The following AGO3 variants were observed in gnomAD, a reference collection of about 807,000 sequenced individuals.
The protein encoded by AGO3 is argonaute RISC catalytic component 3, also known as protein argonaute-3.
A neutral mutation model predicts 105.5 loss-of-function variants in AGO3; 16 were observed. That is an observed-to-expected ratio of 0.15 (90% CI 0.10 to 0.23). The LOEUF (loss-of-function observed/expected upper bound fraction) is 0.23. AGO3 is among the 10% of genes least tolerant of loss of function. The pLI, the probability that AGO3 is intolerant of heterozygous loss-of-function variation, is 1.00. For missense variants in AGO3, 534 were observed against 1,088.0 expected, an observed-to-expected ratio of 0.49 and a Z score of 7.16; for synonymous variants, 340 against 367.3, an observed-to-expected ratio of 0.93 and a Z score of 0.85.
At chr1:35,959,302 C>A (rs1050474035) in intron 2 of AGO3, among the ~76,000 whole-genome samples, 6 of 152,122 alleles carry the variant, frequency 3.9e-5, no homozygotes, top group African/African-American at 1.4e-4. Flanking sequence ...ATAGGCTGTA[C>A]CCCTTTAGAA....
chr1:35,990,218 T>A (rs1271047538), intron 5 of AGO3, among the ~76,000 whole-genome samples: 1 of 152,124 alleles, frequency 6.6e-6, no homozygotes, highest in Non-Finnish European at 1.5e-5. Context: ...TAGTTAAATT[T>A]ATTTTTGTGG....
At position 36,055,131 on chromosome 1, in the gene AGO3, C is replaced by T. The variant is rs1159367631; in HGVS notation, c.2460C>T (p.Asp820=). 3 of 1,604,436 alleles carry T rather than the reference C, an allele frequency of 1.9e-6. No individual in the cohort carries two copies. In the African/African-American group the frequency reaches 4.0e-5, roughly 21 times the overall value. ...VAFRARYHLV[D]KEHDSAEGSH... is the part of the protein sequence containing the mutation. The stretch of plus-strand genomic sequence containing the variant: ...TTAGAGCCAGATATCATCTTGTGGA[C>T]AAAGAACATGACAGGTAATATAAAA... Residue 820 remains aspartate (D), a synonymous_variant, in exon 18 of 19, where the codon GAC becomes GAT. Coordinates refer to ENST00000373191, the MANE Select transcript of AGO3 (RefSeq NM_024852.4). The surrounding 1 kb of genome is among the most constrained non-coding windows in gnomAD (Gnocchi z 4.4).
At chr1:35,943,948 G>C (rs1319206714) in intron 1 of AGO3, among the ~76,000 whole-genome samples, 7 of 152,122 alleles carry the variant, frequency 4.6e-5, no homozygotes, top group Non-Finnish European at 1.0e-4. Flanking sequence ...TCATGTTTTA[G>C]TGTGTGTCAG....
chr1:36,028,464 C>T (rs1301527793), intron 12 of AGO3, among the ~76,000 whole-genome samples: 1 of 137,244 alleles, frequency 7.3e-6, no homozygotes, highest in East Asian at 2.2e-4. Context: ...TCTCATTGTT[C>T]AATTCCCACC....
At chr1:36,040,233 AT>A in intron 15 of AGO3, 73 bp from the exon 16 acceptor site, 1 of 1,473,776 alleles carries the variant, frequency 6.8e-7, no homozygotes, top group Non-Finnish European at 9.2e-7. Context: ...CTGAGATTAA[AT>A]CATTATCCTA....
In AGO3 at chr1:36,027,718, G is replaced by A. The variant is rs1337960468; in HGVS notation, c.1591+420G>A. Reference sequence around the variant, plus strand: ...GGCGTGAACCCAGGAGGTGGAGCTTGCAGTGAGCCGAGATCGCACCGGTGC... The same window carrying A: ...GGCGTGAACCCAGGAGGTGGAGCTTACAGTGAGCCGAGATCGCACCGGTGC... On this transcript the variant is annotated intron_variant, in intron 12 of 18. Transcript: ENST00000373191. The surrounding 1 kb of genome is among the most constrained non-coding windows in gnomAD (Gnocchi z 4.0). Among the ~76,000 whole-genome samples the A allele has an allele frequency of 6.6e-6, 1 of 151,584 alleles. No individual in the cohort carries two copies. The highest frequency in any genetic ancestry group is 1.5e-5 in the Non-Finnish European group (1 of 67,964).
chr1:36,016,189 G>A (rs1469611613), intron 11 of AGO3, among the ~76,000 whole-genome samples: 1 of 152,026 alleles, frequency 6.6e-6, no homozygotes, highest in Non-Finnish European at 1.5e-5. Flanking sequence ...ACAGTTTTTT[G>A]TTTTTGTTTT....
At chr1:35,967,199 T>C (rs1646789398) in intron 3 of AGO3, 124 bp downstream of exon 3, 1 of 1,301,780 alleles carries the variant, frequency 7.7e-7, no homozygotes, top group Admixed American at 3.3e-5. Flanking sequence ...GTTTTTAACT[T>C]TTTGTTTTGA....
At chr1:36,041,281 G>A (rs565117939) in intron 16 of AGO3, among the ~76,000 whole-genome samples, 5 of 119,606 alleles carry the variant, frequency 4.2e-5, no homozygotes, top group South Asian at 2.6e-4. Flanking sequence ...TCACTCTGTC[G>A]CCCAGGTTGG....
At position 35,966,984 on chromosome 1, in the gene AGO3, T is replaced by G; in HGVS notation, c.221T>G (p.Phe74Cys). 6.2e-7 allele frequency: 1 copy of G among 1,613,416 alleles called. No individual in the cohort carries two copies. ...GTGGTTGACTCAATGGTTCAGCATT[T>G]TAAAGTAACTATATTTGGAGACCGT... ...REVVDSMVQH[F>C]KVTIFGDRRP... is the part of the protein sequence containing the mutation. Residue 74 changes from phenylalanine (F) to cysteine (C), a missense_variant, in exon 3 of 19, where the codon TTT (phenylalanine) becomes TGT (cysteine). Coordinates refer to ENST00000373191, the MANE Select transcript of AGO3 (RefSeq NM_024852.4).
At chr1:36,043,619 A>C in intron 17 of AGO3, 71 bp downstream of exon 17, 50 of 1,267,532 alleles carry the variant, frequency 3.9e-5, no homozygotes, top group Non-Finnish European at 4.8e-5. Context: ...TTTAAATCTC[A>C]GAAAAAGGAT....
At chr1:35,980,731 G>A (rs146723624) in intron 5 of AGO3, among the ~76,000 whole-genome samples, 18 of 152,238 alleles carry the variant, frequency 1.2e-4, no homozygotes, top group African/African-American at 4.1e-4. Context: ...TTTCTTAGAA[G>A]GAGTGTGCTT....
At chr1:36,032,991 G>A (rs1341636238) in intron 12 of AGO3, among the ~76,000 whole-genome samples, 1 of 152,050 alleles carries the variant, frequency 6.6e-6, no homozygotes, top group African/African-American at 2.4e-5. Context: ...AATTATCAGG[G>A]CATGGTGGCA....
intron 5 of AGO3, among the ~76,000 whole-genome samples, chr1:35,986,222 T>C (rs888475276): frequency 2.0e-5 from 3 of 152,166 alleles, no homozygotes; most frequent in African/African-American, 7.2e-5. Flanking sequence ...TAAAGAGATA[T>C]CTTGCATGTG....
intron 5 of AGO3, among the ~76,000 whole-genome samples, chr1:35,994,410 G>T (rs760876121): frequency 1.3e-5 from 2 of 152,104 alleles, no homozygotes; most frequent in Non-Finnish European, 2.9e-5. Flanking sequence ...AAAACACTTA[G>T]AAAAGCATAC....
Position 36,064,441 on chromosome 1 carries a change from A to G in AGO3, c.*8696A>G, listed in dbSNP as rs1199825253. ...AAAAAGTATATTCCCTTAAGCAGGT[A>G]AAATACTTGCATTGTATTTTTACAT... On this transcript the variant is annotated 3_prime_UTR_variant, in exon 19 of 19. Coordinates refer to ENST00000373191, the MANE Select transcript of AGO3 (RefSeq NM_024852.4). The G allele has an allele frequency of 1.3e-5, 2 of 152,232 alleles. No homozygotes were observed. Among genetic ancestry groups the G allele is most frequent in the African/African-American group, 4.8e-5 (2 of 41,450 alleles). 9.4% of individuals were successfully genotyped at this position (152,232 alleles called of 1,614,324 possible).
chr1:35,932,139 G>A (rs1318325098), intron 1 of AGO3, among the ~76,000 whole-genome samples: 1 of 152,020 alleles, frequency 6.6e-6, no homozygotes, highest in African/African-American at 2.4e-5. Flanking sequence ...TATCTCTGGG[G>A]GCAAGAGCAG....
intron 14 of AGO3, 56 bp downstream of exon 14, chr1:36,036,323 CA>C: frequency 6.7e-7 from 1 of 1,486,738 alleles, no homozygotes; most frequent in Non-Finnish European, 9.2e-7. Flanking sequence ...ATCAATTTTG[CA>C]GTTTCAACTT....
chr1:35,971,990 A>C (rs754565411), intron 3 of AGO3, 34 bp from the exon 4 acceptor site: 1 of 1,570,244 alleles, frequency 6.4e-7, no homozygotes, highest in Admixed American at 1.7e-5. Context: ...TATCTTTTTC[A>C]ACATTTACCA....
Sources: gnomAD v4.1 joint callset for allele counts (sites outside exome capture counted in the v4.1 genomes callset) on GRCh38, gnomAD v4.1.1 for gene constraint, Gnocchi (gnomAD v3.1) non-coding constraint, MANE v1.5 for transcripts, NCBI Gene and HGNC (gene_info 2026-07-23, HGNC 2026-07-21) for gene names.